GRID2IP: variants seen among roughly 807,000 people sequenced by gnomAD.
GRID2IP encodes the protein Grid2 interacting protein, also known as delphilin.
Under a neutral mutation model 114.3 loss-of-function variants are expected in GRID2IP, and 78 were observed. The ratio of observed to expected loss-of-function variants is 0.68; its 90% CI spans 0.57 to 0.82. The LOEUF is 0.82. GRID2IP is among the 40% of genes least tolerant of loss of function. The probability of loss-of-function intolerance (pLI) is 0.00; values close to 1 mark genes in which losing one functional copy is unlikely to be tolerated. For missense variants in GRID2IP, 1,727 were observed against 1,678.5 expected, an observed-to-expected ratio of 1.03 and a Z score of -0.51; for synonymous variants, 809 against 724.0, an observed-to-expected ratio of 1.12 and a Z score of -1.89.
intron 4 of GRID2IP, among the ~76,000 whole-genome samples, chr7:6,522,329 G>A (rs1365013029): frequency 6.6e-6 from 1 of 152,108 alleles, no homozygotes; most frequent in African/African-American, 2.4e-5. Context: ...TCCCCTAGCA[G>A]GGGTACAGCA....
intron 8 of GRID2IP, among the ~76,000 whole-genome samples, chr7:6,513,947 C>CAAA (rs35124535): frequency 2.3e-3 from 108 of 47,416 alleles, no homozygotes; most frequent in Middle Eastern, 0.032. Context: ...GACTCCGTCT[C>CAAA]AAAAAAAAAA....
At position 6,521,843 on chromosome 7, in the gene GRID2IP, G is replaced by A. The variant is rs1447400030; in HGVS notation, c.989+45C>T. ...AGAGGCAGGAGTCTTGCAGGGGGTGGGGGCAGCTCCTCACCAACCCCTGGT... is the reference window on the plus strand; with the variant it reads ...AGAGGCAGGAGTCTTGCAGGGGGTGAGGGCAGCTCCTCACCAACCCCTGGT... On this transcript the variant is annotated intron_variant, in intron 5 of 21. Transcript: ENST00000457091. The surrounding 1 kb of genome is among the most constrained non-coding windows in gnomAD (Gnocchi z 4.1). The A allele has an allele frequency of 7.1e-7, 1 of 1,414,690 alleles. No individual in the cohort carries two copies. The highest frequency in any genetic ancestry group is 2.5e-5 in the East Asian group (1 of 40,206). The allele number at this position is 1,414,690 out of a possible 1,614,324, so 87.6% of individuals were successfully genotyped here.
Position 6,519,448 on chromosome 7 carries a change from A to C in GRID2IP, c.1268+1130T>G, listed in dbSNP as rs1202876497. Reference sequence around the variant, plus strand: ...CTGGGTAACATAGTGAGACCTCCCCATCTTTTTTAAAAAACAAAACCAAAC... The same window carrying C: ...CTGGGTAACATAGTGAGACCTCCCCCTCTTTTTTAAAAAACAAAACCAAAC... On this transcript the variant is annotated intron_variant, in intron 7 of 21. Coordinates refer to ENST00000457091, the MANE Select transcript of GRID2IP (RefSeq NM_001145118.2). The surrounding 1 kb of genome is among the most constrained non-coding windows in gnomAD (Gnocchi z 4.1). 3.9e-5 allele frequency among the ~76,000 whole-genome samples: 6 copies of C among 151,984 alleles called. No individual in the cohort carries two copies. Among genetic ancestry groups the C allele is most frequent in the Non-Finnish European group, 8.8e-5 (6 of 68,002 alleles).
At chr7:6,501,205 G>C (rs1404177788) in intron 20 of GRID2IP, among the ~76,000 whole-genome samples, 1 of 152,098 alleles carries the variant, frequency 6.6e-6, no homozygotes, top group Non-Finnish European at 1.5e-5. Context: ...ACAAAAATAA[G>C]CCAGGTGTGG....
chr7:6,539,789 CACCCG>C lies in GRID2IP; in HGVS notation c.508_512del (p.Arg170GlyfsTer2), dbSNP rs1779785055. 2 of 1,550,674 alleles carry C rather than the reference CACCCG, an allele frequency of 1.3e-6. No individual in the cohort carries two copies. The highest frequency in any genetic ancestry group is 2.0e-5 in the Admixed American group (1 of 50,972). On this transcript the variant is annotated frameshift_variant, in exon 2 of 22. Coordinates refer to ENST00000457091, the MANE Select transcript of GRID2IP (RefSeq NM_001145118.2). LOFTEE classifies it high-confidence loss of function. ...GGGTGAGAGTCCACACCAGATCATC[CACCCG>C]CTGCTCAGCTGCAAACTGCTTCAGT...
At chr7:6,540,310 C>T (rs917178777) in intron 1 of GRID2IP, among the ~76,000 whole-genome samples, 2 of 151,586 alleles carry the variant, frequency 1.3e-5, no homozygotes, top group Admixed American at 1.3e-4. Flanking sequence ...CAGGGTTTCT[C>T]CATGTTGGTC....
In GRID2IP at chr7:6,526,309, C is replaced by A. The variant is rs1262608319; in HGVS notation, c.834G>T (p.Arg278Ser). The A allele has an allele frequency of 1.3e-6, 2 of 1,551,788 alleles. No individual in the cohort carries two copies. The highest frequency in any genetic ancestry group is 1.7e-6 in the Non-Finnish European group (2 of 1,146,932). ...TGTTGCCTTTGTAGACTCGGACAGT[C>A]CTGGGGGAAAAAGAAGGGGCGAGCA... ...GGLAGPGGARRTVRVYKGNKS... is the reference protein window; with the variant it reads ...GGLAGPGGARSTVRVYKGNKS... Residue 278 changes from arginine to serine, a missense_variant and splice_region_variant, in exon 4 of 22, where the codon AGG (arginine) becomes AGT (serine). Arg to Ser is a moderately radical substitution (Grantham distance 110, BLOSUM62 -1). Transcript: ENST00000457091. This position sits in a 1 kb window ranked among gnomAD's most constrained non-coding sequence, Gnocchi z 7.6.
rs1377018193 is a variant in GRID2IP at position 6,503,560 on chromosome 7, C to T, written c.2838G>A (p.Glu946=). The T allele has an allele frequency of 2.6e-5, 39 of 1,528,824 alleles. No homozygotes were observed. The highest frequency in any genetic ancestry group is 3.3e-5 in the Non-Finnish European group (38 of 1,144,206). The allele number at this position is 1,528,824 out of a possible 1,614,324, so 94.7% of individuals were successfully genotyped here. A position where few individuals can be genotyped will look rare whatever the true frequency, so the allele number is the denominator to read the frequency against. ...CGCGGAAGGCCTGGTAGCGCTGCTC[C>T]TCGTCGGCGTCGGGCGCGAAGAGCA... ...QLLLFAPDAD[E]EQRYQAFREA... The change falls in exon 16 of 22, where the codon GAG becomes GAA. Residue 946 remains glutamate (E), a synonymous_variant. Coordinates refer to ENST00000457091, the MANE Select transcript of GRID2IP (RefSeq NM_001145118.2).
intron 1 of GRID2IP, among the ~76,000 whole-genome samples, chr7:6,544,482 T>A (rs903690489): frequency 6.6e-6 from 1 of 151,550 alleles, no homozygotes; most frequent in Non-Finnish European, 1.5e-5. Flanking sequence ...GGTTTCTCCA[T>A]GTTGGCCAGG....
At chr7:6,544,647 G>A (rs1286004219) in intron 1 of GRID2IP, among the ~76,000 whole-genome samples, 1 of 152,042 alleles carries the variant, frequency 6.6e-6, no homozygotes, top group Non-Finnish European at 1.5e-5. Flanking sequence ...GTCTCTCTCA[G>A]GCTATAAATA....
chr7:6,508,192 G>T lies in GRID2IP; in HGVS notation c.2337C>A (p.Gly779=). The T allele has an allele frequency of 2.8e-6, 4 of 1,411,954 alleles. No individual in the cohort carries two copies. Among genetic ancestry groups the T allele is most frequent in the Non-Finnish European group, 3.7e-6 (4 of 1,068,864 alleles). The allele number at this position is 1,411,954 out of a possible 1,614,324, so 87.5% of individuals were successfully genotyped here. Residue 779 remains glycine (G), a synonymous_variant, in exon 13 of 22, where the codon GGC becomes GGA. Coordinates refer to ENST00000457091, the MANE Select transcript of GRID2IP (RefSeq NM_001145118.2). This position sits in a 1 kb window ranked among gnomAD's most constrained non-coding sequence, Gnocchi z 5.6. ...GGGGCTTGGCCAGCGCCTGAGCAGG[G>T]CCCCGGGAACCATCAGAGCTGCGGG... ...PSSRSSDGSR[G]PAQALAKPLT...
intron 1 of GRID2IP, among the ~76,000 whole-genome samples, chr7:6,548,520 A>C (rs1779920156): frequency 6.6e-6 from 1 of 152,056 alleles, no homozygotes; most frequent in African/African-American, 2.4e-5. Flanking sequence ...TTAGGTACCC[A>C]CAAAAATTAA....
chr7:6,511,163 G>A, intron 8 of GRID2IP, 124 bp from the exon 9 acceptor site: 4 of 1,219,538 alleles, frequency 3.3e-6, no homozygotes, highest in Non-Finnish European at 4.1e-6. Flanking sequence ...TACGGGGCCT[G>A]CCCTGCTTGC....
chr7:6,537,144 C>A (rs1779739534), intron 2 of GRID2IP, among the ~76,000 whole-genome samples: 1 of 151,928 alleles, frequency 6.6e-6, no homozygotes, highest in Non-Finnish European at 1.5e-5. Flanking sequence ...GGGGTTTGGT[C>A]CAAGCTGGGC....
chr7:6,548,407 T>TA (rs1223198173), intron 1 of GRID2IP, among the ~76,000 whole-genome samples: 1 of 150,586 alleles, frequency 6.6e-6, no homozygotes, highest in African/African-American at 2.4e-5. Context: ...ACTCAAAAGA[T>TA]AAATGCTTGA....
rs987384960 is a variant in GRID2IP at position 6,503,467 on chromosome 7, G to A, written c.2907+24C>T. On this transcript the variant is annotated intron_variant, in intron 16 of 21. Transcript: ENST00000457091. The stretch of plus-strand genomic sequence containing the variant: ...CCCCTGTGGAGCCGGCCGAGGCCTC[G>A]GGGCGGGGTTGTGGTCGCGGCACCT... 5.2e-5 allele frequency: 78 copies of A among 1,497,944 alleles called. 1 individual carries two copies. In the Admixed American group the frequency reaches 5.5e-4, roughly 10 times the overall value. The allele number at this position is 1,497,944 out of a possible 1,614,324, so 92.8% of individuals were successfully genotyped here. A position where few individuals can be genotyped will look rare whatever the true frequency, so the allele number is the denominator to read the frequency against.
At chr7:6,541,410 C>T (rs985008865) in intron 1 of GRID2IP, among the ~76,000 whole-genome samples, 2 of 152,136 alleles carry the variant, frequency 1.3e-5, no homozygotes, top group Non-Finnish European at 2.9e-5. Flanking sequence ...CTGAGAGATC[C>T]CACACAGAAC....
chr7:6,503,171 G>C lies in GRID2IP; in HGVS notation c.2908-8C>G. 3 of 1,446,082 alleles carry C rather than the reference G, an allele frequency of 2.1e-6. No individual in the cohort carries two copies. The highest frequency in any genetic ancestry group is 1.3e-5 in the South Asian group (1 of 77,248). The allele number at this position is 1,446,082 out of a possible 1,614,324, so 89.6% of individuals were successfully genotyped here. On this transcript the variant is annotated splice_region_variant and splice_polypyrimidine_tract_variant and intron_variant, in intron 16 of 21. Coordinates refer to ENST00000457091, the MANE Select transcript of GRID2IP (RefSeq NM_001145118.2). ...TTCGGGAACTGACAGCATCTGCCTC[G>C]AAGGCAGAGCCAGGATTCACCCATC...
In GRID2IP at chr7:6,532,472, C is replaced by T. The variant is rs901467420; in HGVS notation, c.585-5703G>A. 6.6e-6 allele frequency among the ~76,000 whole-genome samples: 1 copy of T among 152,148 alleles called. No individual in the cohort carries two copies. The highest frequency in any genetic ancestry group is 1.5e-5 in the Non-Finnish European group (1 of 68,022). ...CTCTGGTACTGTCCACGCACTGCTC[C>T]CCAATACACTGCAGCCCCCCATTCC... On this transcript the variant is annotated intron_variant, in intron 2 of 21. Coordinates refer to ENST00000457091, the MANE Select transcript of GRID2IP (RefSeq NM_001145118.2). The surrounding 1 kb of genome is among the most constrained non-coding windows in gnomAD (Gnocchi z 4.4).
Sources: allele counts gnomAD v4.1 joint callset (sites outside exome capture counted in the v4.1 genomes callset), GRCh38; gene constraint gnomAD v4.1.1; non-coding constraint Gnocchi (gnomAD v3.1); transcripts MANE v1.5; gene names NCBI Gene and HGNC (gene_info 2026-07-23, HGNC 2026-07-21).